OR1J2: variants seen among roughly 807,000 people sequenced by gnomAD.
OR1J2 encodes olfactory receptor 1J2.
For synonymous variants in OR1J2, 142 were observed against 99.7 expected, an observed-to-expected ratio of 1.42 and a Z score of -2.52; for missense variants, 304 against 246.1, an observed-to-expected ratio of 1.24 and a Z score of -1.57.
the OR1J2 span, chr9:122,519,776 A>G: frequency 1.2e-6 from 2 of 1,614,104 alleles, no homozygotes; most frequent in Non-Finnish European, 1.7e-6. Context: ...TACCACTAAT[A>G]TGCATCTTGA....
the OR1J2 span, among the ~76,000 whole-genome samples, chr9:122,548,571 T>C: frequency 6.6e-6 from 1 of 150,792 alleles, no homozygotes; most frequent in Non-Finnish European, 1.5e-5. Context: ...ATATCTTTTG[T>C]CCAATTTTTT....
At chr9:122,567,545 T>G in the OR1J2 span, 1 of 1,553,506 alleles carries the variant, frequency 6.4e-7, no homozygotes, top group Non-Finnish European at 8.7e-7. Context: ...AAGAGGGTGC[T>G]TCCTAGGATC....
At chr9:122,519,732 G>T in the OR1J2 span, 1 of 1,614,098 alleles carries the variant, frequency 6.2e-7, no homozygotes, top group Non-Finnish European at 8.5e-7. Context: ...CAATGAGCTG[G>T]TCATTTTCAC....
At chr9:122,516,809 A>G in the OR1J2 span, among the ~76,000 whole-genome samples, 1 of 152,196 alleles carries the variant, frequency 6.6e-6, no homozygotes, top group African/African-American at 2.4e-5. Context: ...TATCTGAGCC[A>G]TCATTCTCTA....
At chr9:122,572,575 T>C in the OR1J2 span, among the ~76,000 whole-genome samples, 1 of 131,736 alleles carries the variant, frequency 7.6e-6, no homozygotes, top group Middle Eastern at 3.6e-3. Context: ...TGGTTTTGGG[T>C]TTGGTTTTTT....
chr9:122,524,070 G>A, the OR1J2 span, among the ~76,000 whole-genome samples: 3 of 152,194 alleles, frequency 2.0e-5, no homozygotes, highest in Non-Finnish European at 2.9e-5. Context: ...AGATAGTCAT[G>A]TGCCTCATAA....
the OR1J2 span, among the ~76,000 whole-genome samples, chr9:122,454,760 G>A: frequency 1.3e-5 from 2 of 152,128 alleles, no homozygotes; most frequent in East Asian, 1.9e-4. Context: ...GGGGAGGGAC[G>A]CATCACCTAT....
the OR1J2 span, chr9:122,552,962 C>T: frequency 1.3e-5 from 7 of 518,530 alleles, no homozygotes; most frequent in African/African-American, 1.3e-4. Context: ...TTGGATTCTG[C>T]TATAGCATAC....
the OR1J2 span, among the ~76,000 whole-genome samples, chr9:122,455,913 C>G: frequency 6.6e-6 from 1 of 152,114 alleles, no homozygotes; most frequent in Non-Finnish European, 1.5e-5. Flanking sequence ...TTCTATGTGT[C>G]TATCCAATCA....
chr9:122,540,475 A>G, the OR1J2 span, among the ~76,000 whole-genome samples: 3 of 151,884 alleles, frequency 2.0e-5, no homozygotes, highest in Non-Finnish European at 4.4e-5. Flanking sequence ...ATTGGTCTAT[A>G]TCTCTGTTTT....
chr9:122,575,357 A>G, the OR1J2 span, among the ~76,000 whole-genome samples: 1 of 152,170 alleles, frequency 6.6e-6, no homozygotes, highest in Middle Eastern at 3.4e-3. Context: ...TTATTGAGTC[A>G]ATTTCTTTTA....
chr9:122,569,886 G>A, the OR1J2 span, among the ~76,000 whole-genome samples: 1 of 150,492 alleles, frequency 6.6e-6, no homozygotes, highest in Non-Finnish European at 1.5e-5. Flanking sequence ...GTGTCCATGT[G>A]TTCTCATTGT....
chr9:122,561,134 C>T, the OR1J2 span, among the ~76,000 whole-genome samples: 7 of 152,164 alleles, frequency 4.6e-5, no homozygotes, highest in Non-Finnish European at 7.4e-5. Flanking sequence ...TTGATACTTG[C>T]GTATGCTTCA....
chr9:122,449,544 TA>T, the OR1J2 span, among the ~76,000 whole-genome samples: 1 of 152,094 alleles, frequency 6.6e-6, no homozygotes. Context: ...TAATTTTTTG[TA>T]TTTTTAGTAG....
chr9:122,560,314 T>C, the OR1J2 span, among the ~76,000 whole-genome samples: 1 of 152,208 alleles, frequency 6.6e-6, no homozygotes, highest in South Asian at 2.1e-4. Context: ...AATCGCAGCA[T>C]TTAGCCCGTT....
chr9:122,553,211 G>A, the OR1J2 span: 1 of 1,613,416 alleles, frequency 6.2e-7, no homozygotes, highest in African/African-American at 1.3e-5. Context: ...AACTACAAGG[G>A]ATGGGAAAAC....
downstream of OR1J2, among the ~76,000 whole-genome samples, chr9:122,512,300 A>G (rs1441260450): frequency 2.0e-5 from 3 of 152,236 alleles, no homozygotes; most frequent in African/African-American, 7.2e-5. Context: ...CAAATGAAGA[A>G]TGAAAAGTAA....
At chr9:122,545,929 C>A in the OR1J2 span, among the ~76,000 whole-genome samples, 1 of 130,666 alleles carries the variant, frequency 7.7e-6, no homozygotes, top group African/African-American at 2.9e-5. Context: ...GAAAAAAAAA[C>A]ATAGCTCTGT....
chr9:122,546,770 C>T, the OR1J2 span, among the ~76,000 whole-genome samples: 1 of 152,006 alleles, frequency 6.6e-6, no homozygotes, highest in South Asian at 2.1e-4. Flanking sequence ...GGAAGAATAA[C>T]GCAAAGCAAA....
Sources: allele counts gnomAD v4.1 joint callset (sites outside exome capture counted in the v4.1 genomes callset), GRCh38; gene constraint gnomAD v4.1.1; transcripts MANE v1.5; gene names NCBI Gene and HGNC (gene_info 2026-07-23, HGNC 2026-07-21).